Variants in ASAP1 observed in about 807,000 individuals in gnomAD.
ASAP1 encodes ArfGAP with SH3 domain, ankyrin repeat and PH domain 1.
In ASAP1, 43 loss-of-function variants were observed where a neutral mutation model predicts 145.2. The observed-to-expected ratio is 0.30, with a 90% confidence interval of 0.23 to 0.38. The LOEUF is 0.38. Among genes scored for constraint, ASAP1 ranks in the 10% least tolerant of loss-of-function variants. The probability of loss-of-function intolerance (pLI) is 1.00; values close to 1 mark genes in which losing one functional copy is unlikely to be tolerated. For synonymous variants in ASAP1, 546 were observed against 515.5 expected, an observed-to-expected ratio of 1.06 and a Z score of -0.80; for missense variants, 1,018 against 1,355.3, an observed-to-expected ratio of 0.75 and a Z score of 3.91.
At chr8:130,320,582 T>C (rs564881677) in intron 3 of ASAP1, among the ~76,000 whole-genome samples, 2 of 152,108 alleles carry the variant, frequency 1.3e-5, no homozygotes, top group African/African-American at 4.8e-5. Context: ...TACATATGAA[T>C]GAGGCCTGAC....
At chr8:130,176,956 C>T (rs538095444) in intron 9 of ASAP1, among the ~76,000 whole-genome samples, 10 of 152,204 alleles carry the variant, frequency 6.6e-5, no homozygotes, top group South Asian at 6.2e-4. Context: ...TCCCAAAGTG[C>T]GGGGATTACA....
intron 7 of ASAP1, among the ~76,000 whole-genome samples, chr8:130,186,814 AAAAAC>A (rs1400036353): frequency 4.6e-5 from 7 of 152,214 alleles, no homozygotes; most frequent in Non-Finnish European, 7.3e-5. Flanking sequence ...CATACATGCA[AAAAAC>A]ACTTAGTGCA....
intron 3 of ASAP1, among the ~76,000 whole-genome samples, chr8:130,313,093 T>C (rs910250275): frequency 2.0e-5 from 3 of 152,226 alleles, no homozygotes; most frequent in East Asian, 1.9e-4. Flanking sequence ...GAATCATAAG[T>C]ACATTTTCAC....
At chr8:130,429,317 T>C (rs1460308340) in intron 1 of ASAP1, among the ~76,000 whole-genome samples, 1 of 152,250 alleles carries the variant, frequency 6.6e-6, no homozygotes, top group East Asian at 1.9e-4. Context: ...ATCACCACTG[T>C]CATCAGGATA....
intron 3 of ASAP1, among the ~76,000 whole-genome samples, chr8:130,271,968 T>C (rs1475239176): frequency 2.0e-5 from 3 of 152,018 alleles, no homozygotes; most frequent in Admixed American, 6.6e-5. Context: ...TGTCTCAAGT[T>C]GAATGATGAA....
At chr8:130,136,905 T>C (rs1416053452) in intron 14 of ASAP1, 46 bp downstream of exon 14, 2 of 1,487,626 alleles carry the variant, frequency 1.3e-6, no homozygotes, top group East Asian at 2.3e-5. Flanking sequence ...AATGTGCAGG[T>C]GTCAGAAGCC....
At chr8:130,369,192 AT>A (rs1046291222) in intron 2 of ASAP1, among the ~76,000 whole-genome samples, 6 of 151,826 alleles carry the variant, frequency 4.0e-5, no homozygotes, top group Admixed American at 6.6e-5. Flanking sequence ...TGTTTCAGAT[AT>A]TTTTTTTTAT....
intron 4 of ASAP1, among the ~76,000 whole-genome samples, chr8:130,220,779 GA>G (rs1216581516): frequency 6.6e-6 from 1 of 152,152 alleles, no homozygotes. Context: ...AGGGCCTCAG[GA>G]AACTTAGAGT....
chr8:130,123,094 T>C (rs1480759043), intron 18 of ASAP1, among the ~76,000 whole-genome samples: 1 of 152,200 alleles, frequency 6.6e-6, no homozygotes, highest in Non-Finnish European at 1.5e-5. Context: ...TAGTGTTCTG[T>C]TGTGTGGCTC....
Position 130,276,728 on chromosome 8 carries a change from A to ACACACACACT in ASAP1, c.187-39735_187-39734insAGTGTGTGTG, listed in dbSNP as rs548512902. Among the ~76,000 whole-genome samples the ACACACACACT allele has an allele frequency of 9.5e-4, 83 of 87,312 alleles. 1 individual carries two copies. Among genetic ancestry groups the ACACACACACT allele is most frequent in the East Asian group, 5.4e-3 (11 of 2,026 alleles). 57.3% of individuals were successfully genotyped at this position (87,312 alleles called of 152,430 possible). A position where few individuals can be genotyped will look rare whatever the true frequency, so the allele number is the denominator to read the frequency against. The stretch of plus-strand genomic sequence containing the variant: ...CACACACACACACACACACACACAC[A>ACACACACACT]CTCTCTCTCTCTCTCTCTCTCTCTC... On this transcript the variant is annotated intron_variant, in intron 3 of 29. Transcript: ENST00000518721.
rs116154840 is a variant in ASAP1 at position 130,203,044 on chromosome 8, T to C, written c.405+11512A>G. Among the ~76,000 whole-genome samples the C allele has an allele frequency of 8.2e-3, 1,252 of 151,800 alleles. 17 individuals carry two copies. The highest frequency in any genetic ancestry group is 0.029 in the African/African-American group (1,206 of 41,364). Reference sequence around the variant, plus strand: ...AACAATGAGAAATTACATACTGAAATATAAATTAGAAATAAATTGTTGGAG... The same window carrying C: ...AACAATGAGAAATTACATACTGAAACATAAATTAGAAATAAATTGTTGGAG... On this transcript the variant is annotated intron_variant, in intron 5 of 29. Transcript: ENST00000518721.
At chr8:130,071,047 A>AGAGAG (rs1491183461) in intron 27 of ASAP1, among the ~76,000 whole-genome samples, 20 of 133,730 alleles carry the variant, frequency 1.5e-4, no homozygotes, top group East Asian at 4.3e-4. Context: ...AGAGAGAGAG[A>AGAGAG]AAGCAGAGTT....
chr8:130,430,523 T>C (rs1830100362), intron 1 of ASAP1, among the ~76,000 whole-genome samples: 1 of 152,206 alleles, frequency 6.6e-6, no homozygotes, highest in Admixed American at 6.5e-5. Flanking sequence ...TGCTTTCCTC[T>C]GACCCTGACC....
At chr8:130,158,466 T>C (rs1189208470) in intron 12 of ASAP1, among the ~76,000 whole-genome samples, 3 of 151,948 alleles carry the variant, frequency 2.0e-5, no homozygotes, top group Admixed American at 2.0e-4. Flanking sequence ...TAGTGAGCTG[T>C]GATGGTGCCA....
intron 5 of ASAP1, among the ~76,000 whole-genome samples, chr8:130,210,715 T>A (rs566313987): frequency 6.6e-6 from 1 of 152,204 alleles, no homozygotes; most frequent in Non-Finnish European, 1.5e-5. Flanking sequence ...CAAGGCATAA[T>A]CTGTAGCCAC....
intron 5 of ASAP1, among the ~76,000 whole-genome samples, chr8:130,203,728 T>C (rs1351942974): frequency 6.6e-6 from 1 of 152,190 alleles, no homozygotes; most frequent in African/African-American, 2.4e-5. Context: ...GACAGAATTT[T>C]CTGTTAAGAA....
At chr8:130,315,164 G>A (rs1482721623) in intron 3 of ASAP1, among the ~76,000 whole-genome samples, 1 of 152,144 alleles carries the variant, frequency 6.6e-6, no homozygotes, top group East Asian at 1.9e-4. Flanking sequence ...AATTGGGCAG[G>A]GAGAGTTCAC....
At chr8:130,132,146 CT>C (rs1376849575) in intron 15 of ASAP1, among the ~76,000 whole-genome samples, 1 of 152,196 alleles carries the variant, frequency 6.6e-6, no homozygotes, top group Non-Finnish European at 1.5e-5. Context: ...TCCTAGCTTA[CT>C]AGGACTGTTA....
chr8:130,164,641 T>C (rs1207774557), intron 11 of ASAP1, among the ~76,000 whole-genome samples: 1 of 152,134 alleles, frequency 6.6e-6, no homozygotes, highest in Non-Finnish European at 1.5e-5. Flanking sequence ...ATATAGCAAA[T>C]AGTTCTTTTG....
Sources: gnomAD v4.1 joint callset for allele counts (sites outside exome capture counted in the v4.1 genomes callset) on GRCh38, gnomAD v4.1.1 for gene constraint, MANE v1.5 for transcripts, NCBI Gene and HGNC (gene_info 2026-07-23, HGNC 2026-07-21) for gene names.